Variants in TRAPPC9 observed in about 807,000 individuals in gnomAD.
TRAPPC9 encodes IKK2 binding protein.
Under a neutral mutation model 124.0 loss-of-function variants are expected in TRAPPC9, and 83 were observed. The observed-to-expected ratio is 0.67, with a 90% CI of 0.56 to 0.80. The LOEUF is 0.80. Ranked by LOEUF, TRAPPC9 falls within the 30% of genes least tolerant of loss-of-function variation. The pLI is 0.00. For synonymous variants in TRAPPC9, 638 were observed against 617.5 expected (o/e 1.03, Z -0.49); for missense variants, 1,302 against 1,508.3 (o/e 0.86, Z 2.27).
chr8:139,746,481 C>T (rs948858064), intron 21 of TRAPPC9, among the ~76,000 whole-genome samples: 1 of 152,140 alleles, frequency 6.6e-6, no homozygotes, highest in African/African-American at 2.4e-5. Flanking sequence ...ATGGGACCAA[C>T]AGGTCCACGG....
chr8:140,322,438 A>C (rs1434673188), intron 9 of TRAPPC9, among the ~76,000 whole-genome samples: 1 of 152,192 alleles, frequency 6.6e-6, no homozygotes, highest in Non-Finnish European at 1.5e-5. Flanking sequence ...ATACAAGTCC[A>C]AAAGAGGAAG....
chr8:140,060,630 A>C (rs1587618214), intron 17 of TRAPPC9, among the ~76,000 whole-genome samples: 2 of 76,752 alleles, frequency 2.6e-5, no homozygotes, highest in African/African-American at 5.2e-5. Flanking sequence ...ATCCCTACCC[A>C]TCCCTGCCCA....
chr8:139,857,841 G>A (rs1239016897), intron 21 of TRAPPC9, among the ~76,000 whole-genome samples: 3 of 152,250 alleles, frequency 2.0e-5, no homozygotes, highest in Non-Finnish European at 2.9e-5. Flanking sequence ...GGCCTGGCCA[G>A]GGACCCTGCT....
chr8:140,311,412 G>A (rs775643876), intron 9 of TRAPPC9, 38 bp from the exon 10 acceptor site: 14 of 1,608,702 alleles, frequency 8.7e-6, no homozygotes, highest in Non-Finnish European at 1.2e-5. Context: ...GATGTATTAG[G>A]CAAAAGTCAA....
At chr8:139,856,596 G>C (rs749474788) in intron 21 of TRAPPC9, among the ~76,000 whole-genome samples, 1 of 152,156 alleles carries the variant, frequency 6.6e-6, no homozygotes, top group East Asian at 1.9e-4. Flanking sequence ...ACAGCGGCGG[G>C]GGGTGGCGTG....
intron 21 of TRAPPC9, among the ~76,000 whole-genome samples, chr8:139,817,147 C>T (rs1334240816): frequency 1.3e-5 from 2 of 151,718 alleles, no homozygotes; most frequent in Non-Finnish European, 2.9e-5. Context: ...CAGGTCAGCC[C>T]CATCAGCCCC....
In TRAPPC9 at chr8:140,361,730, T is replaced by C. The variant is rs907772228; in HGVS notation, c.1352-1537A>G. Among the ~76,000 whole-genome samples the C allele has an allele frequency of 9.2e-5, 14 of 152,294 alleles. No homozygotes were observed. The East Asian group carries it at 1.9e-3, about 21-fold the overall frequency. ...ATTGAGATTATTTATTAAGTAAAAT[T>C]ACCTGCTTGTGTGTCAAAATCCCCC... On this transcript the variant is annotated intron_variant, in intron 8 of 22. Transcript: ENST00000438773.
At chr8:140,381,152 C>A (rs2068594921) in intron 7 of TRAPPC9, among the ~76,000 whole-genome samples, 4 of 146,334 alleles carry the variant, frequency 2.7e-5, no homozygotes, top group Admixed American at 1.4e-4. Flanking sequence ...TTGCAGTGAG[C>A]TGAGACTGTG....
intron 19 of TRAPPC9, among the ~76,000 whole-genome samples, chr8:139,975,712 CA>C (rs1280871089): frequency 2.6e-5 from 4 of 152,140 alleles, no homozygotes; most frequent in Non-Finnish European, 5.9e-5. Context: ...GCATCCAGGC[CA>C]TGGGACGCCA....
chr8:139,785,220 C>T (rs956114121), intron 21 of TRAPPC9, among the ~76,000 whole-genome samples: 6 of 152,174 alleles, frequency 3.9e-5, no homozygotes, highest in Non-Finnish European at 5.9e-5. Flanking sequence ...ACTGAATACA[C>T]ACTCGCTAAA....
rs998823348 is a variant in TRAPPC9, at chr8:140,115,269, G to T, written c.2557-91190C>A. Among the ~76,000 whole-genome samples the T allele has an allele frequency of 2.2e-4, 33 of 150,612 alleles. 1 individual carries two copies. Among genetic ancestry groups the T allele is most frequent in the African/African-American group, 4.9e-4 (20 of 40,846 alleles). The stretch of plus-strand genomic sequence containing the variant: ...GTGCTTTGTAAACAGTTGTTATAAT[G>T]GTTTTTTTTTTTTTTTTAGATGGAG... On this transcript the variant is annotated intron_variant, in intron 17 of 22. Transcript: ENST00000438773.
At chr8:140,391,981 G>A (rs564705960) in intron 7 of TRAPPC9, among the ~76,000 whole-genome samples, 22 of 151,810 alleles carry the variant, frequency 1.4e-4, no homozygotes, top group Non-Finnish European at 2.6e-4. Flanking sequence ...AGCTGAGATC[G>A]CGCCACTGCA....
intron 21 of TRAPPC9, among the ~76,000 whole-genome samples, chr8:139,861,637 C>T (rs764364221): frequency 2.6e-5 from 4 of 152,190 alleles, no homozygotes; most frequent in Admixed American, 2.0e-4. Flanking sequence ...TTGGGGTTCA[C>T]TTATATTTAA....
chr8:139,842,540 G>A (rs1382365720), intron 21 of TRAPPC9, among the ~76,000 whole-genome samples: 2 of 152,198 alleles, frequency 1.3e-5, no homozygotes, highest in East Asian at 1.9e-4. Flanking sequence ...AAACACAGTC[G>A]GCAGGCGATT....
chr8:140,368,627 C>T (rs1404685627), intron 8 of TRAPPC9, among the ~76,000 whole-genome samples: 1 of 152,108 alleles, frequency 6.6e-6, no homozygotes, highest in Non-Finnish European at 1.5e-5. Flanking sequence ...AAGTGCCCTC[C>T]CCAGACTGCA....
chr8:140,404,866 G>T (rs11166975), intron 6 of TRAPPC9, among the ~76,000 whole-genome samples: 1 of 151,082 alleles, frequency 6.6e-6, no homozygotes. Context: ...GCGGGTGTGA[G>T]CATGCGCGTG....
chr8:139,740,621 C>T (rs370803685), intron 21 of TRAPPC9, among the ~76,000 whole-genome samples: 1 of 152,208 alleles, frequency 6.6e-6, no homozygotes, highest in South Asian at 2.1e-4. Context: ...GGGCCCCATG[C>T]GGGCCCTGCG....
intron 17 of TRAPPC9, among the ~76,000 whole-genome samples, chr8:140,053,348 T>C (rs1322207521): frequency 6.6e-6 from 1 of 152,230 alleles, no homozygotes; most frequent in Non-Finnish European, 1.5e-5. Flanking sequence ...GCTGCCTAAT[T>C]GGCACACATT....
At chr8:139,796,215 C>A (rs1335219003) in intron 21 of TRAPPC9, among the ~76,000 whole-genome samples, 1 of 152,098 alleles carries the variant, frequency 6.6e-6, no homozygotes, top group East Asian at 1.9e-4. Flanking sequence ...TAAGAGGCTT[C>A]CCTTCGGCGC....
Sources: allele counts gnomAD v4.1 joint callset (sites outside exome capture counted in the v4.1 genomes callset), GRCh38; gene constraint gnomAD v4.1.1; transcripts MANE v1.5; gene names NCBI Gene and HGNC (gene_info 2026-07-23, HGNC 2026-07-21).